RAB38: variants seen among roughly 807,000 people sequenced by gnomAD.
RAB38 encodes ras-related protein Rab-38.
Under a neutral mutation model 18.4 loss-of-function variants are expected in RAB38, and 15 were observed. That is an observed-to-expected ratio of 0.82 (90% confidence interval 0.55 to 1.26). The LOEUF (loss-of-function observed/expected upper bound fraction) is 1.26. Among genes scored for constraint, RAB38 ranks in the 50% most tolerant of loss-of-function variants. The pLI, the probability that RAB38 is intolerant of heterozygous loss-of-function variation, is 0.00. For synonymous variants in RAB38, 101 were observed against 104.4 expected, an observed-to-expected ratio of 0.97 and a Z score of 0.20; for missense variants, 294 against 267.4, an observed-to-expected ratio of 1.10 and a Z score of -0.69.
At chr11:88,136,786 C>A (rs970116379) in intron 2 of RAB38, among the ~76,000 whole-genome samples, 1 of 152,206 alleles carries the variant, frequency 6.6e-6, no homozygotes, top group African/African-American at 2.4e-5. Flanking sequence ...AGAAGCTCAA[C>A]ACTTACACAG....
chr11:87,893,390 A>ATTTTTTTTTTTT, the RAB38 span, among the ~76,000 whole-genome samples: 1 of 93,916 alleles, frequency 1.1e-5, no homozygotes, highest in Non-Finnish European at 2.1e-5. Flanking sequence ...ATATATATAT[A>ATTTTTTTTTTTT]TTTTTTTTTT....
the RAB38 span, among the ~76,000 whole-genome samples, chr11:88,031,276 T>A: frequency 6.6e-6 from 1 of 151,824 alleles, no homozygotes; most frequent in Non-Finnish European, 1.5e-5. Context: ...AACATCATAC[T>A]GAATGGGCAA....
chr11:88,129,936 CA>C (rs775869734), intron 2 of RAB38, among the ~76,000 whole-genome samples: 2 of 147,406 alleles, frequency 1.4e-5, no homozygotes, highest in African/African-American at 2.5e-5. Context: ...AGGTGTGGAA[CA>C]AAAAAAAACA....
the RAB38 span, among the ~76,000 whole-genome samples, chr11:87,919,592 G>C: frequency 6.6e-6 from 1 of 151,678 alleles, no homozygotes; most frequent in African/African-American, 2.4e-5. Flanking sequence ...GTCTGGCTTT[G>C]GTATTAGAGT....
chr11:87,894,151 C>T, the RAB38 span, among the ~76,000 whole-genome samples: 1 of 151,508 alleles, frequency 6.6e-6, no homozygotes, highest in Non-Finnish European at 1.5e-5. Flanking sequence ...AGATTCATTC[C>T]TAAGTATTTT....
chr11:88,069,728 A>T, the RAB38 span, among the ~76,000 whole-genome samples: 1 of 152,150 alleles, frequency 6.6e-6, no homozygotes, highest in Non-Finnish European at 1.5e-5. Context: ...TAAACACACC[A>T]ATCAGCACTC....
the RAB38 span, among the ~76,000 whole-genome samples, chr11:88,008,152 A>G: frequency 6.6e-5 from 10 of 152,274 alleles, no homozygotes; most frequent in African/African-American, 2.2e-4. Context: ...TTGGTTAGAT[A>G]TGTACATAAT....
the RAB38 span, among the ~76,000 whole-genome samples, chr11:87,976,957 ACATTATACAAG>A: frequency 0.027 from 1,797 of 66,710 alleles, 800 homozygotes; most frequent in Middle Eastern, 0.08. Context: ...AAATATAATT[ACATTATACAAG>A]TATATTATAA....
chr11:88,072,312 A>T, the RAB38 span, among the ~76,000 whole-genome samples: 8 of 152,226 alleles, frequency 5.3e-5, no homozygotes, highest in African/African-American at 1.9e-4. Context: ...CCGAGGAAAC[A>T]ATCAGCACAC....
At chr11:87,940,642 GAGAA>G in the RAB38 span, among the ~76,000 whole-genome samples, 2 of 151,844 alleles carry the variant, frequency 1.3e-5, no homozygotes, top group East Asian at 1.9e-4. Context: ...CAGAGAGAGA[GAGAA>G]AGAAAGAAAG....
the RAB38 span, among the ~76,000 whole-genome samples, chr11:87,881,772 A>G: frequency 2.0e-4 from 30 of 151,646 alleles, no homozygotes; most frequent in African/African-American, 7.0e-4. Context: ...TCACATTCTT[A>G]TACCTTCAAA....
the RAB38 span, among the ~76,000 whole-genome samples, chr11:88,067,990 T>A: frequency 6.8e-6 from 1 of 148,006 alleles, no homozygotes; most frequent in Non-Finnish European, 1.5e-5. Context: ...TACTTATATA[T>A]ATACACATAT....
At chr11:88,003,950 T>G in the RAB38 span, among the ~76,000 whole-genome samples, 222 of 121,700 alleles carry the variant, frequency 1.8e-3, no homozygotes, top group African/African-American at 6.5e-3. Flanking sequence ...TATAGAGAGA[T>G]ATATATATAC....
chr11:88,131,589 G>T (rs1480767576), intron 2 of RAB38, among the ~76,000 whole-genome samples: 1 of 152,166 alleles, frequency 6.6e-6, no homozygotes, highest in Non-Finnish European at 1.5e-5. Flanking sequence ...ATACCACTTT[G>T]AATGTGCTTG....
At chr11:88,070,060 C>T in the RAB38 span, among the ~76,000 whole-genome samples, 4 of 152,138 alleles carry the variant, frequency 2.6e-5, no homozygotes, top group African/African-American at 7.2e-5. Context: ...CTCTGGGTCC[C>T]CTTCCACACT....
the RAB38 span, among the ~76,000 whole-genome samples, chr11:87,810,879 G>A: frequency 3.3e-5 from 5 of 151,864 alleles, no homozygotes; most frequent in African/African-American, 9.7e-5. Flanking sequence ...CAATTCTTGC[G>A]TCCTCAGAAG....
chr11:87,944,689 A>G, the RAB38 span, among the ~76,000 whole-genome samples: 1 of 152,130 alleles, frequency 6.6e-6, no homozygotes, highest in Non-Finnish European at 1.5e-5. Context: ...TATACCTTCC[A>G]TGAAATGGAG....
the RAB38 span, among the ~76,000 whole-genome samples, chr11:88,012,962 G>A: frequency 6.6e-6 from 1 of 152,096 alleles, no homozygotes; most frequent in Non-Finnish European, 1.5e-5. Flanking sequence ...TACAAAGAGG[G>A]TCCACTCTGA....
chr11:88,031,541 C>T, the RAB38 span, among the ~76,000 whole-genome samples: 28 of 152,084 alleles, frequency 1.8e-4, no homozygotes, highest in African/African-American at 6.5e-4. Context: ...TCTCAGGATA[C>T]AAAATCAATG....
Sources: gnomAD v4.1 joint callset for allele counts (sites outside exome capture counted in the v4.1 genomes callset) on GRCh38, gnomAD v4.1.1 for gene constraint, MANE v1.5 for transcripts, NCBI Gene and HGNC (gene_info 2026-07-23, HGNC 2026-07-21) for gene names.